LRP1B: variants seen among roughly 807,000 people sequenced by gnomAD.
The protein encoded by LRP1B is low-density lipoprotein receptor-related protein 1B.
LRP1B carries 217 observed loss-of-function variants against 556.6 expected under a neutral mutation model. That is an observed-to-expected ratio of 0.39 (90% CI 0.35 to 0.44). LRP1B has a LOEUF of 0.44. Ranked by LOEUF, LRP1B falls within the 20% of genes least tolerant of loss-of-function variation. LRP1B has a pLI of 1.00. For synonymous variants in LRP1B, 2,047 were observed against 1,865.8 expected (o/e 1.10, Z -2.50); for missense variants, 5,053 against 5,620.8 (o/e 0.90, Z 3.23).
At chr2:142,031,715 G>T (rs904878411) in intron 1 of LRP1B, among the ~76,000 whole-genome samples, 2 of 151,234 alleles carry the variant, frequency 1.3e-5, no homozygotes, top group African/African-American at 4.9e-5. Context: ...TACGTCCATT[G>T]TTCAACATCT....
At chr2:140,827,245 C>A (rs1457755730) in intron 31 of LRP1B, among the ~76,000 whole-genome samples, 1 of 151,888 alleles carries the variant, frequency 6.6e-6, no homozygotes, top group African/African-American at 2.4e-5. Flanking sequence ...AAACAGGGAA[C>A]CAAGACCTCC....
chr2:141,240,749 T>C (rs1460812894), intron 5 of LRP1B, among the ~76,000 whole-genome samples: 1 of 152,100 alleles, frequency 6.6e-6, no homozygotes, highest in African/African-American at 2.4e-5. Context: ...TTATTGACTG[T>C]CACACCTAGA....
At chr2:140,702,380 A>C (rs754434232) in intron 38 of LRP1B, 47 bp downstream of exon 38, 1 of 1,608,618 alleles carries the variant, frequency 6.2e-7, no homozygotes, top group Non-Finnish European at 8.5e-7. Flanking sequence ...GGTAAATTAA[A>C]GTTGTCAGTT....
Position 140,280,234 on chromosome 2 carries a change from G to T in LRP1B, c.12968-5636C>A, listed in dbSNP as rs1269342725. On this transcript the variant is annotated intron_variant, in intron 84 of 90. Transcript: ENST00000389484. ...CACAAATTTGTATGTGAAATTTGTT[G>T]TTCAAATTTGAAATTCAGCTTAGTA... is the stretch of plus-strand genomic sequence containing the variant. 2.6e-5 allele frequency among the ~76,000 whole-genome samples: 4 copies of T among 151,696 alleles called. No individual in the cohort carries two copies. In the East Asian group the frequency reaches 7.8e-4, roughly 30 times the overall value.
In LRP1B at chr2:141,524,968, C is replaced by T. The variant is rs543190686; in HGVS notation, c.206-44435G>A. On this transcript the variant is annotated intron_variant, in intron 2 of 90. Transcript: ENST00000389484. ...TAGATGTTTGCACCATGTCTTATCACGTGACACAAAATCATACAAGCAGGT... is the reference window on the plus strand; with the variant it reads ...TAGATGTTTGCACCATGTCTTATCATGTGACACAAAATCATACAAGCAGGT... 9.2e-5 allele frequency among the ~76,000 whole-genome samples: 14 copies of T among 152,178 alleles called. No homozygotes were observed. The South Asian group carries it at 2.3e-3, about 25-fold the overall frequency.
intron 3 of LRP1B, among the ~76,000 whole-genome samples, chr2:141,467,944 C>T (rs999490408): frequency 6.6e-6 from 1 of 151,744 alleles, no homozygotes; most frequent in Admixed American, 6.6e-5. Flanking sequence ...CTCATGGTTC[C>T]CCGTATGTTT....
chr2:141,052,735 T>C lies in LRP1B; in HGVS notation c.1552+2381A>G, dbSNP rs141001656. Among the ~76,000 whole-genome samples, 601 of 152,160 alleles carry C rather than the reference T, an allele frequency of 3.9e-3. 4 individuals carry two copies. Among genetic ancestry groups the C allele is most frequent in the Non-Finnish European group, 6.2e-3 (419 of 67,988 alleles). On this transcript the variant is annotated intron_variant, in intron 10 of 90. Transcript: ENST00000389484. ...TTATTGCAACCTCTGCCACCTGGGCTCAAGCTATCCTCCTACTTCAGCCTC... is the reference window on the plus strand; with the variant it reads ...TTATTGCAACCTCTGCCACCTGGGCCCAAGCTATCCTCCTACTTCAGCCTC...
intron 14 of LRP1B, among the ~76,000 whole-genome samples, chr2:141,010,855 C>A (rs371116327): frequency 6.6e-6 from 1 of 151,528 alleles, no homozygotes. Context: ...AAGGGGAGAT[C>A]TGATTAGTTG....
At chr2:141,129,788 A>AAAC (rs202197978) in intron 7 of LRP1B, among the ~76,000 whole-genome samples, 3 of 2,246 alleles carry the variant, frequency 1.3e-3, no homozygotes, top group Admixed American at 0.027. Context: ...TTTAATAAAC[A>AAAC]AATAGAGTTA....
At chr2:140,341,067 G>A (rs1278106547) in intron 77 of LRP1B, among the ~76,000 whole-genome samples, 2 of 151,508 alleles carry the variant, frequency 1.3e-5, no homozygotes, top group African/African-American at 2.4e-5. Context: ...GTTCCTTGTG[G>A]ATCAACAGGA....
At chr2:141,994,093 T>C (rs1220055773) in intron 1 of LRP1B, among the ~76,000 whole-genome samples, 2 of 152,190 alleles carry the variant, frequency 1.3e-5, no homozygotes, top group Non-Finnish European at 2.9e-5. Flanking sequence ...AATGGAACCC[T>C]GAGTGGCAGT....
chr2:141,448,785 T>C (rs988358300), intron 3 of LRP1B, among the ~76,000 whole-genome samples: 3 of 152,134 alleles, frequency 2.0e-5, no homozygotes, highest in Non-Finnish European at 4.4e-5. Context: ...AATGCAGAAA[T>C]CACCCACCTT....
rs1465351081 is a variant in LRP1B at position 140,371,278 on chromosome 2, A to G, written c.10776T>C (p.Pro3592=). ...ATATATATTCACGTGATGAGCAAGT[A>G]GGAGAAGCTGAATACAATTATAAAT... ...EDEKSCEPAS[P]TCSSREYICA... Residue 3592 remains proline (P), a synonymous_variant, in exon 70 of 91, where the codon CCT becomes CCC. Transcript: ENST00000389484. The G allele has an allele frequency of 6.4e-7, 1 of 1,553,792 alleles. No homozygotes were observed. Among genetic ancestry groups the G allele is most frequent in the South Asian group, 1.2e-5 (1 of 81,212 alleles).
chr2:140,424,713 G>A (rs924219354), intron 66 of LRP1B, among the ~76,000 whole-genome samples: 3 of 152,130 alleles, frequency 2.0e-5, no homozygotes, highest in African/African-American at 7.2e-5. Context: ...GGTAAGCTGT[G>A]GATCACACAA....
intron 66 of LRP1B, among the ~76,000 whole-genome samples, chr2:140,440,254 T>C (rs1686368172): frequency 6.6e-6 from 1 of 152,090 alleles, no homozygotes. Context: ...TAAAAATGGA[T>C]TCTAAATAGA....
chr2:141,010,130 AAAT>A (rs1251198821), intron 14 of LRP1B, among the ~76,000 whole-genome samples: 1 of 152,076 alleles, frequency 6.6e-6, no homozygotes, highest in Non-Finnish European at 1.5e-5. Context: ...ATTTGTCATA[AAAT>A]AATAGGATAC....
chr2:141,078,866 A>T (rs1174041907), intron 7 of LRP1B, among the ~76,000 whole-genome samples: 7 of 152,200 alleles, frequency 4.6e-5, no homozygotes, highest in Admixed American at 2.0e-4. Context: ...ACTCTGAGTT[A>T]ATGTTGCCCT....
At chr2:140,921,882 C>A (rs11893327) in intron 21 of LRP1B, among the ~76,000 whole-genome samples, 3 of 150,916 alleles carry the variant, frequency 2.0e-5, no homozygotes, top group Admixed American at 6.6e-5. Context: ...CATCAGCCCC[C>A]GTGGCTTTCA....
chr2:141,011,579 CAAATCA>C (rs1220281210), intron 14 of LRP1B, among the ~76,000 whole-genome samples: 1 of 151,950 alleles, frequency 6.6e-6, no homozygotes, highest in Non-Finnish European at 1.5e-5. Flanking sequence ...GTAGAAAACA[CAAATCA>C]ATTTATTAAT....
Sources: allele counts gnomAD v4.1 joint callset (sites outside exome capture counted in the v4.1 genomes callset), GRCh38; gene constraint gnomAD v4.1.1; transcripts MANE v1.5; gene names NCBI Gene and HGNC (gene_info 2026-07-23, HGNC 2026-07-21).